The following ZNF502 variants were observed in gnomAD, a reference collection of about 807,000 sequenced individuals.
ZNF502 encodes the protein zinc finger protein 502.
ZNF502 carries 29 observed loss-of-function variants against 43.6 expected under a neutral mutation model. The observed-to-expected ratio is 0.67, with a 90% CI of 0.50 to 0.91. ZNF502 has a LOEUF of 0.91. Ranked by LOEUF, ZNF502 falls within the 40% of genes least tolerant of loss-of-function variation. The probability of loss-of-function intolerance (pLI) is 0.00; values close to 1 mark genes in which losing one functional copy is unlikely to be tolerated. For missense variants in ZNF502, 591 were observed against 647.2 expected (o/e 0.91, Z 0.94); for synonymous variants, 171 against 207.4 (o/e 0.82, Z 1.51).
chr3:44,723,606 T>C lies in ZNF502; in HGVS notation c.*1154T>C, dbSNP rs2125869795. Reference sequence around the variant, plus strand: ...TTTTTCAAATCCCTGAAAATCAGGATAGCACATTTTGCTACTGACTGTGAC... The same window carrying C: ...TTTTTCAAATCCCTGAAAATCAGGACAGCACATTTTGCTACTGACTGTGAC... On this transcript the variant is annotated 3_prime_UTR_variant, in exon 3 of 3. Transcript: ENST00000436624. 1 of 152,372 alleles carries C rather than the reference T, an allele frequency of 6.6e-6. No homozygotes were observed. The highest frequency in any genetic ancestry group is 1.5e-5 in the Non-Finnish European group (1 of 68,028). 9.4% of individuals were successfully genotyped at this position (152,372 alleles called of 1,614,324 possible). A position where few individuals can be genotyped will look rare whatever the true frequency, so the allele number is the denominator to read the frequency against.
In ZNF502 at chr3:44,722,156, A is replaced by G; in HGVS notation, c.1339A>G (p.Asn447Asp). The change falls in exon 3 of 3, where the codon AAC (asparagine) becomes GAC (aspartate). Residue 447 changes from asparagine to aspartate, a missense_variant. Transcript: ENST00000436624. ...TGAATGTGGAAAGGGCTTTAATCAG[A>G]ACACCTGCCTCACTCAGCATATGAG... ...CNECGKGFNQ[N>D]TCLTQHMRIH... 6.2e-7 allele frequency: 1 copy of G among 1,614,244 alleles called. No homozygotes were observed. The highest frequency in any genetic ancestry group is 8.5e-7 in the Non-Finnish European group (1 of 1,180,040).
intron 1 of ZNF502, among the ~76,000 whole-genome samples, chr3:44,715,944 TA>T (rs1230693354): frequency 6.6e-6 from 1 of 152,166 alleles, no homozygotes; most frequent in Non-Finnish European, 1.5e-5. Flanking sequence ...ATGGCATAAA[TA>T]TTTTTCCCAA....
intron 1 of ZNF502, among the ~76,000 whole-genome samples, chr3:44,718,879 C>T (rs564420143): frequency 6.6e-6 from 1 of 152,126 alleles, no homozygotes; most frequent in Admixed American, 6.5e-5. Flanking sequence ...GCATGAGTCT[C>T]TGAGTCTCTG....
chr3:44,717,977 G>A (rs1304265611), intron 1 of ZNF502, among the ~76,000 whole-genome samples: 1 of 152,124 alleles, frequency 6.6e-6, no homozygotes, highest in Non-Finnish European at 1.5e-5. Flanking sequence ...TAAGTGTTTA[G>A]ACTCACTGTT....
chr3:44,720,737 T>TTA, intron 2 of ZNF502, 136 bp from the exon 3 acceptor site: 1 of 961,768 alleles, frequency 1.0e-6, no homozygotes, highest in Non-Finnish European at 1.5e-6. Flanking sequence ...CAACTCTAAC[T>TTA]TACTTGCCAC....
chr3:44,715,588 G>T (rs1575538038), intron 1 of ZNF502, among the ~76,000 whole-genome samples: 1 of 147,344 alleles, frequency 6.8e-6, no homozygotes, highest in African/African-American at 2.5e-5. Context: ...TTATAGATTT[G>T]TTTTTTTTTT....
rs190880309 is a variant in ZNF502, at chr3:44,718,821, T to C, written c.-59-1382T>C. 2.4e-3 allele frequency among the ~76,000 whole-genome samples: 366 copies of C among 152,254 alleles called. 1 individual carries two copies. Among genetic ancestry groups the C allele is most frequent in the African/African-American group, 8.0e-3 (334 of 41,548 alleles). On this transcript the variant is annotated intron_variant, in intron 1 of 2. Transcript: ENST00000436624. Reference sequence around the variant, plus strand: ...GGAGCCAGATAGGGTGTCTGGCTTCTTTTTCCAGCGTCTAGCACTGATTAG... The same window carrying C: ...GGAGCCAGATAGGGTGTCTGGCTTCCTTTTCCAGCGTCTAGCACTGATTAG...
Position 44,721,836 on chromosome 3 carries a change from A to G in ZNF502, c.1019A>G (p.Gln340Arg), listed in dbSNP as rs1704352077. The change falls in exon 3 of 3, where the codon CAG becomes CGG. Residue 340 changes from glutamine (Q) to arginine (R), a missense_variant. Gln to Arg is a conservative substitution (Grantham distance 43). Coordinates refer to ENST00000436624, the MANE Select transcript of ZNF502 (RefSeq NM_001134442.3). ...KTFQTKANLS[Q>R]HQRIHSGEKP... ...TTCCAAACAAAGGCAAACCTCTCTC[A>G]GCATCAGAGAATTCATAGTGGAGAG... is the stretch of plus-strand genomic sequence containing the variant. 6.2e-7 allele frequency: 1 copy of G among 1,614,092 alleles called. No individual in the cohort carries two copies. The highest frequency in any genetic ancestry group is 8.5e-7 in the Non-Finnish European group (1 of 1,180,030).
At chr3:44,717,686 C>T (rs565873865) in intron 1 of ZNF502, among the ~76,000 whole-genome samples, 1 of 152,186 alleles carries the variant, frequency 6.6e-6, no homozygotes, top group Non-Finnish European at 1.5e-5. Context: ...GCTGGGATTA[C>T]AGGCATGAGC....
chr3:44,716,902 C>A (rs1278134786), intron 1 of ZNF502, among the ~76,000 whole-genome samples: 1 of 152,070 alleles, frequency 6.6e-6, no homozygotes, highest in Non-Finnish European at 1.5e-5. Context: ...CTCAGTTCAT[C>A]TTTTTTTCTT....
chr3:44,715,786 G>A (rs1226664650), intron 1 of ZNF502, among the ~76,000 whole-genome samples: 1 of 151,998 alleles, frequency 6.6e-6, no homozygotes, highest in Non-Finnish European at 1.5e-5. Context: ...AGCTCACTGC[G>A]ACCTCTACCT....
chr3:44,721,698 C>T lies in ZNF502; in HGVS notation c.881C>T (p.Pro294Leu). Residue 294 changes from proline to leucine, a missense_variant, in exon 3 of 3, where the codon CCT becomes CTT. Coordinates refer to ENST00000436624, the MANE Select transcript of ZNF502 (RefSeq NM_001134442.3). Reference sequence around the variant, plus strand: ...CAGAGAATTCACACTGGTGAGAAGCCTTACATATGCAGTGAATGTGGCTCT... The same window carrying T: ...CAGAGAATTCACACTGGTGAGAAGCTTTACATATGCAGTGAATGTGGCTCT... ...HHQRIHTGEK[P>L]YICSECGSSF... 6.2e-7 allele frequency: 1 copy of T among 1,613,452 alleles called. No homozygotes were observed. The highest frequency in any genetic ancestry group is 8.5e-7 in the Non-Finnish European group (1 of 1,179,570).
chr3:44,720,141 C>A (rs374002192), intron 1 of ZNF502, 62 bp from the exon 2 acceptor site: 2 of 1,022,818 alleles, frequency 2.0e-6, no homozygotes, highest in Non-Finnish European at 3.1e-6. Context: ...TCTTTGTTTT[C>A]GTTCTGTTTA....
At chr3:44,719,726 T>A (rs184299986) in intron 1 of ZNF502, among the ~76,000 whole-genome samples, 101 of 152,352 alleles carry the variant, frequency 6.6e-4, no homozygotes, top group Non-Finnish European at 1.9e-4. Context: ...GTAGATAGCA[T>A]TCCCTAACAC....
intron 1 of ZNF502, among the ~76,000 whole-genome samples, chr3:44,713,227 C>T (rs1373210600): frequency 6.6e-6 from 1 of 152,178 alleles, no homozygotes; most frequent in Non-Finnish European, 1.5e-5. Context: ...CTCTAAAGTA[C>T]TGTCTAGAAG....
intron 1 of ZNF502, among the ~76,000 whole-genome samples, chr3:44,719,334 A>G (rs995870056): frequency 6.6e-6 from 1 of 152,206 alleles, no homozygotes; most frequent in Non-Finnish European, 1.5e-5. Context: ...AGAAGTCCAC[A>G]AGACCAAGCT....
At position 44,722,209 on chromosome 3, in the gene ZNF502, A is replaced by T; in HGVS notation, c.1392A>T (p.Lys464Asn). 6.2e-7 allele frequency: 1 copy of T among 1,614,190 alleles called. No individual in the cohort carries two copies. Among genetic ancestry groups the T allele is most frequent in the Admixed American group, 1.7e-5 (1 of 60,026 alleles). The change falls in exon 3 of 3, where the codon AAA becomes AAT. Residue 464 changes from lysine to asparagine, a missense_variant. Lys to Asn is a moderately conservative substitution (Grantham distance 94). Coordinates refer to ENST00000436624, the MANE Select transcript of ZNF502 (RefSeq NM_001134442.3). ...MRIHTGEKPY[K>N]CKECGKAFAH... ...TTCATACTGGAGAGAAGCCCTATAA[A>T]TGTAAAGAATGTGGGAAAGCCTTTG...
At position 44,722,301 on chromosome 3, in the gene ZNF502, A is replaced by C. The variant is rs1559501655; in HGVS notation, c.1484A>C (p.Glu495Ala). The C allele has an allele frequency of 6.2e-7, 1 of 1,614,190 alleles. No homozygotes were observed. The highest frequency in any genetic ancestry group is 8.5e-7 in the Non-Finnish European group (1 of 1,180,008). Residue 495 changes from glutamate (E) to alanine (A), a missense_variant, in exon 3 of 3, where the codon GAG becomes GCG. Physicochemically the swap from Glu to Ala is moderately radical, Grantham distance 107. Transcript: ENST00000436624. ...HTGEKLYKCS[E>A]CEKTFRKYAH... ...GGTGAGAAGCTCTATAAATGTAGTG[A>C]GTGTGAGAAAACCTTCCGCAAGTAT...
In ZNF502 at chr3:44,721,630, G is replaced by A. The variant is rs760402072; in HGVS notation, c.813G>A (p.Arg271=). ...GAGAGAAACCTTATAAATGCAATAGGTGTGGGAAGGCATTCAATCAGAATA... is the reference window on the plus strand; with the variant it reads ...GAGAGAAACCTTATAAATGCAATAGATGTGGGAAGGCATTCAATCAGAATA... The part of the protein sequence containing the change: ...HTGEKPYKCN[R]CGKAFNQNTH... The change falls in exon 3 of 3, where the codon AGG becomes AGA. Residue 271 remains arginine, a synonymous_variant. Coordinates refer to ENST00000436624, the MANE Select transcript of ZNF502 (RefSeq NM_001134442.3). 7.4e-6 allele frequency: 12 copies of A among 1,613,780 alleles called. No homozygotes were observed. The East Asian group carries it at 1.3e-4, about 18-fold the overall frequency.
Sources: gnomAD v4.1 joint callset for allele counts (sites outside exome capture counted in the v4.1 genomes callset) on GRCh38, gnomAD v4.1.1 for gene constraint, MANE v1.5 for transcripts, NCBI Gene and HGNC (gene_info 2026-07-23, HGNC 2026-07-21) for gene names.